Variants in SLC2A9 observed in about 807,000 individuals in gnomAD.
SLC2A9 encodes solute carrier family 2 member 9, also known as solute carrier family 2, facilitated glucose transporter member 9.
SLC2A9 carries 39 observed loss-of-function variants against 50.6 expected under a neutral mutation model. The observed-to-expected ratio is 0.77, with a 90% CI of 0.60 to 1.01. SLC2A9 has a LOEUF of 1.01. Among genes scored for constraint, SLC2A9 ranks in the 50% least tolerant of loss-of-function variants. SLC2A9 has a pLI of 0.00. For synonymous variants in SLC2A9, 324 were observed against 276.9 expected (o/e 1.17, Z -1.69); for missense variants, 686 against 677.6 (o/e 1.01, Z -0.14).
At chr4:9,787,582 A>G (rs1444376223) in intron 3 of SLC2A9, among the ~76,000 whole-genome samples, 4 of 152,210 alleles carry the variant, frequency 2.6e-5, no homozygotes, top group Non-Finnish European at 5.9e-5. Flanking sequence ...CATCTCATCT[A>G]CAGACTTTAT....
chr4:9,895,841 C>A (rs1738449793), intron 8 of SLC2A9, among the ~76,000 whole-genome samples: 1 of 152,222 alleles, frequency 6.6e-6, no homozygotes, highest in Non-Finnish European at 1.5e-5. Flanking sequence ...TCTCTTCCCC[C>A]AACTCCAGGC....
intron 5 of SLC2A9, among the ~76,000 whole-genome samples, chr4:9,955,169 A>G (rs1025810690): frequency 5.9e-5 from 9 of 152,138 alleles, no homozygotes; most frequent in Non-Finnish European, 1.3e-4. Context: ...CAGGGAGAGG[A>G]GACGCAACCC....
At chr4:9,940,340 C>T (rs1747897970) in intron 6 of SLC2A9, among the ~76,000 whole-genome samples, 1 of 152,178 alleles carries the variant, frequency 6.6e-6, no homozygotes, top group Admixed American at 6.5e-5. Context: ...GTACAATAGC[C>T]ACTACTTCCG....
intron 5 of SLC2A9, among the ~76,000 whole-genome samples, chr4:9,960,969 G>A (rs529115317): frequency 1.8e-4 from 28 of 152,056 alleles, no homozygotes; most frequent in Non-Finnish European, 4.0e-4. Context: ...TTGCAGAAAC[G>A]GTACAAAGTC....
intron 10 of SLC2A9, among the ~76,000 whole-genome samples, chr4:9,869,554 C>A (rs1577616948): frequency 6.6e-6 from 1 of 152,176 alleles, no homozygotes; most frequent in African/African-American, 2.4e-5. Flanking sequence ...CACGGCCAAC[C>A]ATTTCCTGCT....
chr4:9,971,734 T>G (rs1254507625), intron 5 of SLC2A9, among the ~76,000 whole-genome samples: 2 of 152,158 alleles, frequency 1.3e-5, no homozygotes, highest in Non-Finnish European at 2.9e-5. Flanking sequence ...GTCACCTGTG[T>G]TAAAAAGCAA....
intron 10 of SLC2A9, among the ~76,000 whole-genome samples, chr4:9,842,460 C>A (rs1728232004): frequency 6.6e-6 from 1 of 152,158 alleles, no homozygotes; most frequent in East Asian, 1.9e-4. Flanking sequence ...CTCATCAAAT[C>A]TTTCTTCATG....
At chr4:9,851,633 G>A (rs1253773986) in intron 10 of SLC2A9, among the ~76,000 whole-genome samples, 1 of 152,188 alleles carries the variant, frequency 6.6e-6, no homozygotes, top group Non-Finnish European at 1.5e-5. Flanking sequence ...GAAGATCACT[G>A]AGATTTGGGA....
intron 6 of SLC2A9, among the ~76,000 whole-genome samples, chr4:9,938,147 T>C (rs1248281899): frequency 6.6e-6 from 1 of 152,240 alleles, no homozygotes; most frequent in Non-Finnish European, 1.5e-5. Flanking sequence ...CGATTACTTA[T>C]CTAACTGTTC....
At chr4:10,015,286 C>A (rs78547553) in intron 2 of SLC2A9, among the ~76,000 whole-genome samples, 161 of 152,298 alleles carry the variant, frequency 1.1e-3, no homozygotes, top group African/African-American at 3.8e-3. Flanking sequence ...ACTGTTGGCG[C>A]CTGCCATTAG....
chr4:9,895,965 G>T (rs1428260261), intron 8 of SLC2A9, among the ~76,000 whole-genome samples: 1 of 152,184 alleles, frequency 6.6e-6, no homozygotes, highest in Non-Finnish European at 1.5e-5. Flanking sequence ...CTTTTGTATT[G>T]CTGATCAGTA....
At chr4:9,845,634 G>A (rs1024647662) in intron 10 of SLC2A9, among the ~76,000 whole-genome samples, 1 of 150,740 alleles carries the variant, frequency 6.6e-6, no homozygotes, top group Non-Finnish European at 1.5e-5. Flanking sequence ...GTTTCACCGT[G>A]TTAGCCAGGA....
At chr4:9,904,936 C>A (rs1740351004) in intron 8 of SLC2A9, among the ~76,000 whole-genome samples, 1 of 152,216 alleles carries the variant, frequency 6.6e-6, no homozygotes, top group South Asian at 2.1e-4. Flanking sequence ...GGGGGACAGA[C>A]TACCCAATGC....
chr4:9,936,251 A>G (rs1308229980), intron 6 of SLC2A9, among the ~76,000 whole-genome samples: 1 of 152,204 alleles, frequency 6.6e-6, no homozygotes, highest in Non-Finnish European at 1.5e-5. Context: ...AGAGAATTAC[A>G]AAGCACTCTG....
intron 1 of SLC2A9, 182 bp from the exon 2 acceptor site, chr4:10,019,255 G>A (rs988696148): frequency 3.3e-6 from 2 of 606,196 alleles, no homozygotes; most frequent in South Asian, 4.0e-5. Flanking sequence ...TCCAGTCCAG[G>A]TCCGCGTGCG....
intron 5 of SLC2A9, among the ~76,000 whole-genome samples, chr4:9,960,032 C>G (rs1376893625): frequency 6.6e-6 from 1 of 152,186 alleles, no homozygotes; most frequent in Non-Finnish European, 1.5e-5. Context: ...TATTCTCCCC[C>G]AGTGTTTAAA....
chr4:9,893,854 C>T (rs1296101902), intron 8 of SLC2A9, among the ~76,000 whole-genome samples: 1 of 152,196 alleles, frequency 6.6e-6, no homozygotes, highest in Non-Finnish European at 1.5e-5. Context: ...GTAACTCATA[C>T]TAATTTCAGT....
At chr4:9,817,899 G>T (rs984746907) in intron 3 of SLC2A9, among the ~76,000 whole-genome samples, 1 of 152,190 alleles carries the variant, frequency 6.6e-6, no homozygotes, top group Non-Finnish European at 1.5e-5. Context: ...CACTGGCTTT[G>T]TCTGTCCCTC....
At chr4:9,938,473 G>A (rs1196608822) in intron 6 of SLC2A9, among the ~76,000 whole-genome samples, 1 of 151,922 alleles carries the variant, frequency 6.6e-6, no homozygotes, top group Non-Finnish European at 1.5e-5. Context: ...GGGTTTCACC[G>A]TGTTAGCCAG....
Sources: gnomAD v4.1 joint callset for allele counts (sites outside exome capture counted in the v4.1 genomes callset) on GRCh38, gnomAD v4.1.1 for gene constraint, MANE v1.5 for transcripts, NCBI Gene and HGNC (gene_info 2026-07-23, HGNC 2026-07-21) for gene names.